Variants in GAD1 observed in about 807,000 individuals in gnomAD.
The protein encoded by GAD1 is glutamate decarboxylase 1, also known as 67 kDa glutamic acid decarboxylase.
In GAD1, 35 loss-of-function variants were observed where a neutral mutation model predicts 75.2. The ratio of observed to expected loss-of-function variants is 0.47; its 90% confidence interval spans 0.36 to 0.62. The LOEUF (loss-of-function observed/expected upper bound fraction) is 0.62, where lower values mean the gene tolerates loss of function less well. Ranked by LOEUF, GAD1 falls within the 20% of genes least tolerant of loss-of-function variation. GAD1 has a pLI of 0.00. For missense variants in GAD1, 490 were observed against 758.5 expected (o/e 0.65, Z 4.16); for synonymous variants, 257 against 271.9 (o/e 0.95, Z 0.54).
At position 170,853,012 on chromosome 2, in the gene GAD1, G is replaced by C; in HGVS notation, c.1263+220G>C. ...TGCTTCTTCTTTGATCAGTACTCAG[G>C]GTCTGTCAGCAACTGAACCTTTAAG... On this transcript the variant is annotated intron_variant, in intron 13 of 16. Coordinates refer to ENST00000358196, the MANE Select transcript of GAD1 (RefSeq NM_000817.3). The surrounding 1 kb of genome is among the most constrained non-coding windows in gnomAD (Gnocchi z 4.1). The C allele has an allele frequency of 5.0e-6, 3 of 605,176 alleles. No individual in the cohort carries two copies. The highest frequency in any genetic ancestry group is 8.8e-6 in the Non-Finnish European group (3 of 339,128). 37.5% of individuals were successfully genotyped at this position (605,176 alleles called of 1,614,324 possible). A position where few individuals can be genotyped will look rare whatever the true frequency, so the allele number is the denominator to read the frequency against.
At position 170,844,063 on chromosome 2, in the gene GAD1, AC is replaced by A; in HGVS notation, c.659del (p.Pro220GlnfsTer9). On this transcript the variant is annotated frameshift_variant, in exon 7 of 17. Coordinates refer to ENST00000358196, the MANE Select transcript of GAD1 (RefSeq NM_000817.3). LOFTEE classifies it high-confidence loss of function. ...TTTCCAGGTTTACATATGAAATTGC[AC>A]CAGTGTTTGTCCTCATGGAACAAAT... ...NTNMFTYEIAPVFVLMEQITL... is the reference protein window; with the variant it reads ...NTNMFTYEIAXVFVLMEQITL... The A allele has an allele frequency of 6.2e-7, 1 of 1,600,016 alleles. No individual in the cohort carries two copies. The highest frequency in any genetic ancestry group is 8.6e-7 in the Non-Finnish European group (1 of 1,167,288).
rs112046206 is a variant in GAD1 at position 170,822,092 on chromosome 2, G to T, written c.88G>T (p.Asp30Tyr). ...NTTNLRPTTY[D>Y]TWCGVAHGCT... Reference sequence around the variant, plus strand: ...CTCCCTCTCTCTCGTCCTAGCGTACGATACCTGGTGCGGCGTGGCCCATGG... The same window carrying T: ...CTCCCTCTCTCTCGTCCTAGCGTACTATACCTGGTGCGGCGTGGCCCATGG... Residue 30 changes from aspartate (D) to tyrosine (Y), a missense_variant, in exon 3 of 17, where the codon GAT becomes TAT. By Grantham distance (160) the Asp-to-Tyr change is radical (BLOSUM62 -3). Coordinates refer to ENST00000358196, the MANE Select transcript of GAD1 (RefSeq NM_000817.3). 1.2e-6 allele frequency: 2 copies of T among 1,609,978 alleles called. No individual in the cohort carries two copies. Among genetic ancestry groups the T allele is most frequent in the Admixed American group, 3.4e-5 (2 of 59,656 alleles).
chr2:170,831,953 G>A (rs910213184), intron 5 of GAD1, among the ~76,000 whole-genome samples: 2 of 151,614 alleles, frequency 1.3e-5, no homozygotes, highest in African/African-American at 4.8e-5. Flanking sequence ...GCAATAGATT[G>A]GGACCCTATC....
rs370780417 is a variant in GAD1 at position 170,860,400 on chromosome 2, T to C, written c.*518T>C. The C allele has an allele frequency of 3.7e-5, 6 of 162,064 alleles. No individual in the cohort carries two copies. Among genetic ancestry groups the C allele is most frequent in the African/African-American group, 1.2e-4 (5 of 41,666 alleles). The allele number at this position is 162,064 out of a possible 1,614,324, so 10.0% of individuals were successfully genotyped here. ...CAAATGACAAGTCACACCCTCCCCA[T>C]TAGTATCCTGTTAGGGGAAAATAGT... On this transcript the variant is annotated 3_prime_UTR_variant, in exon 17 of 17. Coordinates refer to ENST00000358196, the MANE Select transcript of GAD1 (RefSeq NM_000817.3).
chr2:170,817,272 C>G (rs1338919349), intron 1 of GAD1: 1 of 150,550 alleles, frequency 6.6e-6, no homozygotes, highest in South Asian at 2.1e-4. Context: ...CCCTGCCCTC[C>G]GGATTCACGC....
Position 170,818,235 on chromosome 2 carries a change from A to AC in GAD1, c.-63-290dup, listed in dbSNP as rs1228512223. ...GTACTGGCCTTGGACCCCCACCCCG[A>AC]CCCCGACCCCGCCTCGTCTCGGCGC... On this transcript the variant is annotated intron_variant, in intron 1 of 16. Coordinates refer to ENST00000358196, the MANE Select transcript of GAD1 (RefSeq NM_000817.3). The surrounding 1 kb of genome is among the most constrained non-coding windows in gnomAD (Gnocchi z 5.9). 1.6e-5 allele frequency: 4 copies of AC among 257,532 alleles called. No homozygotes were observed. Among genetic ancestry groups the AC allele is most frequent in the African/African-American group, 7.9e-5 (3 of 38,038 alleles). 16.0% of individuals were successfully genotyped at this position (257,532 alleles called of 1,614,324 possible).
At position 170,860,565 on chromosome 2, in the gene GAD1, G is replaced by C. The variant is rs1312069488; in HGVS notation, c.*683G>C. Reference sequence around the variant, plus strand: ...TGATTTCAATGATTGTTTAATTGTAGGTCAATGAAATATTTGCTTATTTAT... The same window carrying C: ...TGATTTCAATGATTGTTTAATTGTACGTCAATGAAATATTTGCTTATTTAT... On this transcript the variant is annotated 3_prime_UTR_variant, in exon 17 of 17. Transcript: ENST00000358196. 2 of 152,680 alleles carry C rather than the reference G, an allele frequency of 1.3e-5. No homozygotes were observed. The highest frequency in any genetic ancestry group is 2.9e-5 in the Non-Finnish European group (2 of 68,146). The allele number at this position is 152,680 out of a possible 1,614,324, so 9.5% of individuals were successfully genotyped here. A position where few individuals can be genotyped will look rare whatever the true frequency, so the allele number is the denominator to read the frequency against.
chr2:170,852,977 C>A, intron 13 of GAD1, 185 bp downstream of exon 13: 1 of 672,276 alleles, frequency 1.5e-6, no homozygotes, highest in South Asian at 1.7e-5. Flanking sequence ...TTGGCTCTTG[C>A]TGGCTACTGT....
intron 3 of GAD1, among the ~76,000 whole-genome samples, chr2:170,825,879 G>A (rs1302231362): frequency 6.6e-6 from 1 of 152,222 alleles, no homozygotes; most frequent in East Asian, 1.9e-4. Flanking sequence ...TGTAGAGCAA[G>A]AGGGAGTACA....
intron 7 of GAD1, among the ~76,000 whole-genome samples, chr2:170,844,722 C>G (rs1702595241): frequency 6.6e-6 from 1 of 152,086 alleles, no homozygotes; most frequent in African/African-American, 2.4e-5. Flanking sequence ...CTTTGAATCT[C>G]TAGTTTGAAG....
intron 5 of GAD1, among the ~76,000 whole-genome samples, chr2:170,834,249 G>A (rs755551822): frequency 2.6e-5 from 4 of 152,214 alleles, no homozygotes; most frequent in African/African-American, 4.8e-5. Context: ...GGTTGCTGAT[G>A]TGGAATTTAA....
intron 10 of GAD1, among the ~76,000 whole-genome samples, chr2:170,846,469 TG>T (rs1325579043): frequency 6.6e-6 from 1 of 152,258 alleles, no homozygotes; most frequent in African/African-American, 2.4e-5. Flanking sequence ...CCCTGGCAGA[TG>T]GCCCATGGTA....
Position 170,845,558 on chromosome 2 carries a change from C to A in GAD1, c.804C>A (p.Phe268Leu), listed in dbSNP as rs765319290. The change falls in exon 8 of 17, where the codon TTC becomes TTA. Residue 268 changes from phenylalanine (F) to leucine (L), a missense_variant. Transcript: ENST00000358196. ...TCATGGCTGCTCGCTACAAGTACTT[C>A]CCGGAAGTTAAGACAAAGGGCATGG... The part of the protein sequence containing the change: ...YSIMAARYKY[F>L]PEVKTKGMAA... The A allele has an allele frequency of 1.9e-6, 3 of 1,614,124 alleles. No homozygotes were observed. Among genetic ancestry groups the A allele is most frequent in the East Asian group, 4.5e-5 (2 of 44,876 alleles).
intron 3 of GAD1, among the ~76,000 whole-genome samples, chr2:170,823,441 G>A (rs940966392): frequency 6.6e-6 from 1 of 152,198 alleles, no homozygotes; most frequent in African/African-American, 2.4e-5. Flanking sequence ...TCTAGACCCT[G>A]GGACTCGGCG....
chr2:170,842,730 T>C (rs1406673404), intron 6 of GAD1: 6 of 1,584,460 alleles, frequency 3.8e-6, no homozygotes, highest in Non-Finnish European at 4.3e-6. Context: ...GACATATTCT[T>C]TTTGGAAATA....
At chr2:170,847,932 C>G (rs1284038109) in intron 11 of GAD1, 140 bp downstream of exon 11, 1 of 752,158 alleles carries the variant, frequency 1.3e-6, no homozygotes, top group Non-Finnish European at 2.4e-6. Flanking sequence ...TGGACCCTAG[C>G]CAGCCATTCA....
At chr2:170,852,828 A>G (rs1356949321) in intron 13 of GAD1, 36 bp downstream of exon 13, 2 of 1,583,996 alleles carry the variant, frequency 1.3e-6, no homozygotes, top group Non-Finnish European at 1.7e-6. Flanking sequence ...TGGGGCCCGT[A>G]CGTTCTTTAG....
intron 10 of GAD1, among the ~76,000 whole-genome samples, chr2:170,846,340 C>A (rs1702632992): frequency 6.6e-6 from 1 of 152,170 alleles, no homozygotes; most frequent in South Asian, 2.1e-4. Flanking sequence ...TAAATCAAAT[C>A]CCTGAGCATC....
intron 5 of GAD1, among the ~76,000 whole-genome samples, chr2:170,834,292 A>G (rs532549652): frequency 2.6e-5 from 4 of 152,364 alleles, no homozygotes; most frequent in African/African-American, 9.6e-5. Flanking sequence ...TAAACCCCAC[A>G]GGTAGCTACA....
Sources: allele counts gnomAD v4.1 joint callset (sites outside exome capture counted in the v4.1 genomes callset), GRCh38; gene constraint gnomAD v4.1.1; non-coding constraint Gnocchi (gnomAD v3.1); transcripts MANE v1.5; gene names NCBI Gene and HGNC (gene_info 2026-07-23, HGNC 2026-07-21).